Variants in NFATC3 observed in about 807,000 individuals in gnomAD.
NFATC3 encodes nuclear factor of activated T-cells, cytoplasmic 3.
In NFATC3, 46 loss-of-function variants were observed where a neutral mutation model predicts 98.6. The observed-to-expected ratio is 0.47, with a 90% CI of 0.37 to 0.60. The LOEUF (loss-of-function observed/expected upper bound fraction) is 0.60. Among genes scored for constraint, NFATC3 ranks in the 20% least tolerant of loss-of-function variants. The pLI is 0.00. For synonymous variants in NFATC3, 512 were observed against 472.2 expected, an observed-to-expected ratio of 1.08 and a Z score of -1.09; for missense variants, 1,256 against 1,295.5, an observed-to-expected ratio of 0.97 and a Z score of 0.47.
At chr16:68,137,790 A>AT (rs1164167743) in intron 3 of NFATC3, among the ~76,000 whole-genome samples, 10 of 150,706 alleles carry the variant, frequency 6.6e-5, no homozygotes, top group Non-Finnish European at 1.2e-4. Context: ...ATTTTTTTGT[A>AT]TTTTTTTAGT....
chr16:68,091,484 A>C (rs1373453032), intron 1 of NFATC3, among the ~76,000 whole-genome samples: 1 of 152,226 alleles, frequency 6.6e-6, no homozygotes, highest in South Asian at 2.1e-4. Flanking sequence ...ATGTAGTATT[A>C]CTTTTTCTTC....
At chr16:68,152,487 A>G (rs984815871) in intron 3 of NFATC3, among the ~76,000 whole-genome samples, 2 of 151,760 alleles carry the variant, frequency 1.3e-5, no homozygotes. Context: ...TATGGCTTTT[A>G]TAGGCCAAAA....
chr16:68,104,153 A>G (rs914278951), intron 1 of NFATC3, among the ~76,000 whole-genome samples: 3 of 152,260 alleles, frequency 2.0e-5, no homozygotes, highest in East Asian at 1.9e-4. Context: ...TTGTTTTTCA[A>G]TCCATGTACA....
chr16:68,133,522 T>C (rs2151523234), intron 3 of NFATC3, among the ~76,000 whole-genome samples: 1 of 152,300 alleles, frequency 6.6e-6, no homozygotes, highest in Non-Finnish European at 1.5e-5. Context: ...TAAATACTCA[T>C]AAAAATACCA....
At chr16:68,192,736 C>A (rs959964762) in intron 9 of NFATC3, among the ~76,000 whole-genome samples, 4 of 152,062 alleles carry the variant, frequency 2.6e-5, no homozygotes, top group African/African-American at 7.2e-5. Context: ...AGTGATGTGG[C>A]CCTGTAGTCC....
At chr16:68,091,241 A>G (rs1174459361) in intron 1 of NFATC3, among the ~76,000 whole-genome samples, 2 of 152,232 alleles carry the variant, frequency 1.3e-5, no homozygotes, top group Non-Finnish European at 2.9e-5. Context: ...ATACATAGCC[A>G]AGAAGTTGTG....
chr16:68,121,409 C>T (rs574341361), intron 1 of NFATC3, among the ~76,000 whole-genome samples: 6 of 150,464 alleles, frequency 4.0e-5, no homozygotes, highest in South Asian at 2.1e-4. Flanking sequence ...TGGGCACAGA[C>T]GCTCCCTCAC....
chr16:68,193,544 C>T (rs971691173), intron 9 of NFATC3, among the ~76,000 whole-genome samples: 1 of 152,058 alleles, frequency 6.6e-6, no homozygotes, highest in African/African-American at 2.4e-5. Flanking sequence ...TGGTGTGTGC[C>T]TGTAGTCCTA....
Position 68,199,517 on chromosome 16 carries a change from C to A in NFATC3, c.3106+7742C>A, listed in dbSNP as rs370776059. ...GGGATTACAGGCGTGAGCCACCGCG[C>A]CCGGCCCCAAGACCCTGTTTAAAAA... On this transcript the variant is annotated intron_variant, in intron 9 of 9. Coordinates refer to ENST00000346183, the MANE Select transcript of NFATC3 (RefSeq NM_173165.3). 5.0e-3 allele frequency among the ~76,000 whole-genome samples: 748 copies of A among 150,508 alleles called. 8 individuals carry two copies. Among genetic ancestry groups the A allele is most frequent in the African/African-American group, 0.017 (682 of 41,020 alleles).
chr16:68,098,903 C>T (rs532280561), intron 1 of NFATC3, among the ~76,000 whole-genome samples: 3 of 152,254 alleles, frequency 2.0e-5, no homozygotes, highest in South Asian at 4.1e-4. Flanking sequence ...AATAGATCCA[C>T]AGGAAGTTGT....
rs748878841 is a variant in NFATC3 at position 68,122,536 on chromosome 16, G to T, written c.653G>T (p.Gly218Val). 1.5e-5 allele frequency: 24 copies of T among 1,613,930 alleles called. No individual in the cohort carries two copies. The highest frequency in any genetic ancestry group is 1.9e-5 in the Non-Finnish European group (22 of 1,179,980). Residue 218 changes from glycine to valine, a missense_variant, in exon 2 of 10, where the codon GGC (glycine) becomes GTC (valine). Coordinates refer to ENST00000346183, the MANE Select transcript of NFATC3 (RefSeq NM_173165.3). ...ACTTCTCCTGGTGGCTCTCCAGGGG[G>T]CTGCCCTGGAGAAGAAACTTGGCAT... Reference protein sequence around the residue: ...PLTSPGGSPGGCPGEETWHQQ... With the variant: ...PLTSPGGSPGVCPGEETWHQQ...
At chr16:68,145,231 A>G (rs1262257555) in intron 3 of NFATC3, among the ~76,000 whole-genome samples, 1 of 150,960 alleles carries the variant, frequency 6.6e-6, no homozygotes, top group Non-Finnish European at 1.5e-5. Context: ...GCAACCTCAG[A>G]CTCACAGGCC....
chr16:68,106,719 C>A (rs1283999138), intron 1 of NFATC3, among the ~76,000 whole-genome samples: 1 of 151,786 alleles, frequency 6.6e-6, no homozygotes, highest in Non-Finnish European at 1.5e-5. Context: ...AGCCACCGTA[C>A]CCGGACGCCT....
intron 9 of NFATC3, among the ~76,000 whole-genome samples, chr16:68,218,966 C>T (rs937558779): frequency 5.9e-5 from 9 of 151,436 alleles, no homozygotes; most frequent in African/African-American, 9.7e-5. Context: ...CGGCTGGGCA[C>T]GGTGATTCAT....
intron 5 of NFATC3, among the ~76,000 whole-genome samples, chr16:68,167,244 A>G (rs921459697): frequency 2.0e-5 from 3 of 152,190 alleles, no homozygotes; most frequent in Non-Finnish European, 4.4e-5. Context: ...TCTGTGAACT[A>G]CAGACAACCT....
intron 3 of NFATC3, among the ~76,000 whole-genome samples, chr16:68,141,768 T>G (rs371805830): frequency 1.3e-5 from 2 of 152,186 alleles, no homozygotes; most frequent in African/African-American, 4.8e-5. Flanking sequence ...GTTGTCTGTT[T>G]ATTGCGATGA....
At chr16:68,154,280 T>G (rs1264585191) in intron 3 of NFATC3, among the ~76,000 whole-genome samples, 1 of 152,162 alleles carries the variant, frequency 6.6e-6, no homozygotes, top group African/African-American at 2.4e-5. Context: ...AGATCTGACT[T>G]ATTGGATCCC....
chr16:68,159,137 T>C (rs909873674), intron 4 of NFATC3, among the ~76,000 whole-genome samples: 3 of 152,066 alleles, frequency 2.0e-5, no homozygotes, highest in Non-Finnish European at 4.4e-5. Context: ...GAGACTGAGG[T>C]AGGAGGATCA....
chr16:68,094,058 A>C (rs1379060433), intron 1 of NFATC3, among the ~76,000 whole-genome samples: 2 of 152,222 alleles, frequency 1.3e-5, no homozygotes. Flanking sequence ...CAGTTAGACC[A>C]ATAGAGGGTA....
Sources: allele counts gnomAD v4.1 joint callset (sites outside exome capture counted in the v4.1 genomes callset), GRCh38; gene constraint gnomAD v4.1.1; transcripts MANE v1.5; gene names NCBI Gene and HGNC (gene_info 2026-07-23, HGNC 2026-07-21).